The following OSBPL1A variants were observed in gnomAD, a reference collection of about 807,000 sequenced individuals.
The protein encoded by OSBPL1A is oxysterol-binding protein-related protein 1.
In OSBPL1A, 80 loss-of-function variants were observed where a neutral mutation model predicts 137.1. That is an observed-to-expected ratio of 0.58 (90% CI 0.49 to 0.70). The LOEUF (loss-of-function observed/expected upper bound fraction) is 0.70, where lower values mean the gene tolerates loss of function less well. Among genes scored for constraint, OSBPL1A ranks in the 30% least tolerant of loss-of-function variants. The probability of loss-of-function intolerance (pLI) is 0.00; values close to 1 mark genes in which losing one functional copy is unlikely to be tolerated. For missense variants in OSBPL1A, 970 were observed against 1,129.4 expected (o/e 0.86, Z 2.02); for synonymous variants, 365 against 389.7 (o/e 0.94, Z 0.75).
intron 4 of OSBPL1A, among the ~76,000 whole-genome samples, chr18:24,354,235 A>G (rs2091494678): frequency 1.3e-5 from 2 of 152,180 alleles, no homozygotes; most frequent in South Asian, 4.1e-4. Context: ...GCAAGGACAC[A>G]GAACTAGGAT....
rs766066110 is a variant in OSBPL1A, at chr18:24,280,963, AT to A, written c.1175-16del. 2.6e-6 allele frequency: 4 copies of A among 1,542,698 alleles called. No individual in the cohort carries two copies. The South Asian group carries it at 4.7e-5, about 18-fold the overall frequency. Reference sequence around the variant, plus strand: ...TGGAAGCATTTCTATAAAGAAAAAAATAAATACAGTGAGTCGGATTTTAAGG... The same window carrying A: ...TGGAAGCATTTCTATAAAGAAAAAAAAAATACAGTGAGTCGGATTTTAAGG... On this transcript the variant is annotated splice_polypyrimidine_tract_variant and intron_variant, in intron 14 of 27. Transcript: ENST00000319481.
rs2086035789 is a variant in OSBPL1A at position 24,162,294 on chromosome 18, C to CTT, written c.*883_*884dup. 6.6e-6 allele frequency: 1 copy of CTT among 152,232 alleles called. No homozygotes were observed. The highest frequency in any genetic ancestry group is 6.5e-5 in the Admixed American group (1 of 15,288). 9.4% of individuals were successfully genotyped at this position (152,232 alleles called of 1,614,324 possible). ...TTTAAGTACACAGGTACTTTGCAAA[C>CTT]TTGAAATGCACAAGGCCTCCTTTTA... On this transcript the variant is annotated 3_prime_UTR_variant, in exon 28 of 28. Coordinates refer to ENST00000319481, the MANE Select transcript of OSBPL1A (RefSeq NM_080597.4).
chr18:24,278,874 C>T (rs2089898725), intron 15 of OSBPL1A, among the ~76,000 whole-genome samples: 1 of 152,218 alleles, frequency 6.6e-6, no homozygotes, highest in Admixed American at 6.5e-5. Flanking sequence ...TTTAAATAAA[C>T]TTACACATGA....
In OSBPL1A at chr18:24,366,944, A is replaced by C. The variant is rs779157963; in HGVS notation, c.230T>G (p.Leu77Trp). The C allele has an allele frequency of 1.9e-6, 3 of 1,612,856 alleles. No individual in the cohort carries two copies. In the South Asian group the frequency reaches 3.3e-5, roughly 18 times the overall value. Residue 77 changes from leucine (L) to tryptophan (W), a missense_variant, in exon 4 of 28, where the codon TTG becomes TGG. Leu to Trp is a moderately conservative substitution (Grantham distance 61, BLOSUM62 -2). Around this residue, in one of 2 missense-constraint regions of OSBPL1A, gnomAD observed 647 missense variants for 672.6 expected, o/e 0.96. Transcript: ENST00000319481. ...AAGCGGCGTGTCTCCCATGTCATTC[A>C]ACACATTCACTTCTGCACCAGCCTA... ...LLKAGAEVNV[L>W]NDMGDTPLHR...
chr18:24,312,258 A>G (rs1007523819), intron 12 of OSBPL1A, 152 bp from the exon 13 acceptor site: 5 of 777,196 alleles, frequency 6.4e-6, no homozygotes, highest in Non-Finnish European at 9.9e-6. Flanking sequence ...TGAAACAGCA[A>G]TGTGGGTCTC....
chr18:24,187,570 A>G (rs1599458925), intron 18 of OSBPL1A, among the ~76,000 whole-genome samples: 1 of 152,200 alleles, frequency 6.6e-6, no homozygotes. Flanking sequence ...GCTTGTAAAG[A>G]TGAGATGAAT....
At chr18:24,239,425 G>C in intron 15 of OSBPL1A, 43 bp from the exon 16 acceptor site, 1 of 1,553,608 alleles carries the variant, frequency 6.4e-7, no homozygotes, top group Non-Finnish European at 8.8e-7. Context: ...AGAGTGACAG[G>C]AGACACAGAC....
intron 7 of OSBPL1A, chr18:24,321,698 G>C (rs1489500700): frequency 1.9e-6 from 1 of 524,604 alleles, no homozygotes; most frequent in Non-Finnish European, 3.9e-6. Flanking sequence ...TCTCTTTCCA[G>C]TTCTTCCCAG....
intron 14 of OSBPL1A, among the ~76,000 whole-genome samples, chr18:24,297,997 G>C (rs1299329848): frequency 6.6e-6 from 1 of 152,164 alleles, no homozygotes. Flanking sequence ...CACAGGATAA[G>C]ATAGGAGGTC....
At chr18:24,362,560 T>C (rs1285184095) in intron 4 of OSBPL1A, among the ~76,000 whole-genome samples, 3 of 152,226 alleles carry the variant, frequency 2.0e-5, no homozygotes, top group Non-Finnish European at 4.4e-5. Flanking sequence ...AATATAATAA[T>C]AAATTTGTTC....
intron 2 of OSBPL1A, among the ~76,000 whole-genome samples, chr18:24,370,850 G>T (rs896098519): frequency 1.3e-5 from 2 of 152,086 alleles, no homozygotes; most frequent in Non-Finnish European, 2.9e-5. Flanking sequence ...GGATTCTTTT[G>T]TAGGGATGGG....
chr18:24,238,491 G>A (rs1044615807), intron 16 of OSBPL1A, among the ~76,000 whole-genome samples: 1 of 152,068 alleles, frequency 6.6e-6, no homozygotes, highest in African/African-American at 2.4e-5. Flanking sequence ...CATTTTTTTA[G>A]CACTGAGTAT....
chr18:24,242,086 T>C (rs900154293), intron 15 of OSBPL1A, among the ~76,000 whole-genome samples: 5 of 125,890 alleles, frequency 4.0e-5, no homozygotes, highest in African/African-American at 1.6e-4. Context: ...TGAGAACATA[T>C]GGACACATGG....
At position 24,196,843 on chromosome 18, in the gene OSBPL1A, C is replaced by T. The variant is rs111748393; in HGVS notation, c.1602-643G>A. On this transcript the variant is annotated intron_variant, in intron 17 of 27. Coordinates refer to ENST00000319481, the MANE Select transcript of OSBPL1A (RefSeq NM_080597.4). ...AAATTAACCTCTACAGAAAGAGCAT[C>T]TTCGAAGCCTCTGTAGGTGTTCGAA... Among the ~76,000 whole-genome samples, 111 of 152,332 alleles carry T rather than the reference C, an allele frequency of 7.3e-4. 1 individual carries two copies. The highest frequency in any genetic ancestry group is 2.6e-3 in the African/African-American group (108 of 41,570).
At chr18:24,234,874 T>C (rs957785415) in intron 16 of OSBPL1A, among the ~76,000 whole-genome samples, 2 of 152,184 alleles carry the variant, frequency 1.3e-5, no homozygotes, top group Non-Finnish European at 2.9e-5. Flanking sequence ...TTGTTAAAAT[T>C]AAGCTTCAAA....
chr18:24,343,704 A>G (rs1167359727), intron 4 of OSBPL1A, among the ~76,000 whole-genome samples: 1 of 152,220 alleles, frequency 6.6e-6, no homozygotes, highest in Admixed American at 6.5e-5. Flanking sequence ...AAGTGCCAAG[A>G]CAGTTCAATG....
In OSBPL1A at chr18:24,397,686, G is replaced by C. The variant is rs1189504155; in HGVS notation, c.-34C>G. On this transcript the variant is annotated 5_prime_UTR_variant, in exon 1 of 28. Coordinates refer to ENST00000319481, the MANE Select transcript of OSBPL1A (RefSeq NM_080597.4). ...GGTCACCCGGGCTCCCAGAGCTCCC[G>C]AGGCGGTGGCCACGACCCCAGGCTT... 2 of 152,298 alleles carry C rather than the reference G, an allele frequency of 1.3e-5. No homozygotes were observed. The highest frequency in any genetic ancestry group is 2.9e-5 in the Non-Finnish European group (2 of 68,120). The allele number at this position is 152,298 out of a possible 1,614,324, so 9.4% of individuals were successfully genotyped here.
Position 24,332,385 on chromosome 18 carries a change from C to CAAAAAA in OSBPL1A, c.625+551_625+556dup, listed in dbSNP as rs71163675. On this transcript the variant is annotated intron_variant, in intron 7 of 27. Coordinates refer to ENST00000319481, the MANE Select transcript of OSBPL1A (RefSeq NM_080597.4). ...TGGGCAACAGAGAGAGACTCTGTCTCAAAAAAAAAAAAAAAAAAAAAAAAA... is the reference window on the plus strand; with the variant it reads ...TGGGCAACAGAGAGAGACTCTGTCTCAAAAAAAAAAAAAAAAAAAAAAAAAAAAAAA... Among the ~76,000 whole-genome samples the CAAAAAA allele has an allele frequency of 8.1e-4, 43 of 53,054 alleles. 2 individuals carry two copies. Among genetic ancestry groups the CAAAAAA allele is most frequent in the Non-Finnish European group, 9.6e-4 (31 of 32,316 alleles). 34.8% of individuals were successfully genotyped at this position (53,054 alleles called of 152,430 possible).
At position 24,378,981 on chromosome 18, in the gene OSBPL1A, G is replaced by A. The variant is rs77447451; in HGVS notation, c.-2-1446C>T. ...AAAGACAAAGACCAAAACCAAACAG[G>A]GAAGAAAAGCAACCTAGAGAAAACA... On this transcript the variant is annotated intron_variant, in intron 1 of 27. Transcript: ENST00000319481. Among the ~76,000 whole-genome samples the A allele has an allele frequency of 5.5e-3, 827 of 151,308 alleles. 9 individuals are homozygous for A. The highest frequency in any genetic ancestry group is 0.019 in the African/African-American group (775 of 41,202).
Sources: gnomAD v4.1 joint callset for allele counts (sites outside exome capture counted in the v4.1 genomes callset) on GRCh38, gnomAD v4.1.1 for gene constraint, gnomAD v4.1.1 regional missense constraint, MANE v1.5 for transcripts, NCBI Gene and HGNC (gene_info 2026-07-23, HGNC 2026-07-21) for gene names.